Variants in SMC1A observed in about 807,000 individuals in gnomAD.
SMC1A encodes the protein structural maintenance of chromosomes protein 1A.
A neutral mutation model predicts 94.5 loss-of-function variants in SMC1A; 4 were observed. The ratio of observed to expected loss-of-function variants is 0.04; its 90% CI spans 0.02 to 0.10. The LOEUF (loss-of-function observed/expected upper bound fraction) is 0.10. SMC1A is among the 10% of genes least tolerant of loss of function. The pLI, the probability that SMC1A is intolerant of heterozygous loss-of-function variation, is 1.00. For missense variants in SMC1A, 304 were observed against 989.0 expected (o/e 0.31, Z 9.29); for synonymous variants, 345 against 347.7 (o/e 0.99, Z 0.09).
intron 9 of SMC1A, among the ~76,000 whole-genome samples, chrX:53,406,864 A>C (rs1042845613): frequency 4.5e-5 from 5 of 111,026 alleles, no homozygotes; most frequent in Admixed American, 9.6e-5. Context: ...TGCCCGGCTA[A>C]TTTTTGTATT....
At chrX:53,412,788 G>A (rs945045547) in intron 5 of SMC1A, 112 bp downstream of exon 5, 1 of 1,090,036 alleles carries the variant, frequency 9.2e-7, no homozygotes, top group Non-Finnish European at 1.3e-6. Flanking sequence ...AGCAAGTTAG[G>A]AGAATAACAG....
chrX:53,382,394 G>T lies in SMC1A; in HGVS notation c.3286-11C>A. 8.3e-7 allele frequency: 1 copy of T among 1,203,392 alleles called. No individual in the cohort carries two copies. The highest frequency in any genetic ancestry group is 1.1e-6 in the Non-Finnish European group (1 of 890,891). On this transcript the variant is annotated splice_polypyrimidine_tract_variant and intron_variant, in intron 21 of 24. Transcript: ENST00000322213. ...AGGGCCCAGGAATGCCTAGGGGAAG[G>T]CAGATGGGTCAGGATCTGTATCTGA...
intron 9 of SMC1A, among the ~76,000 whole-genome samples, chrX:53,408,199 C>T (rs1056962768): frequency 9.0e-6 from 1 of 111,289 alleles, no homozygotes; most frequent in Non-Finnish European, 1.9e-5. Flanking sequence ...GGCATGGCGG[C>T]GAGCACCTGT....
At position 53,409,426 on chromosome X, in the gene SMC1A, A is replaced by G; in HGVS notation, c.1332T>C (p.Thr444=). 8.3e-7 allele frequency: 1 copy of G among 1,201,672 alleles called. No individual in the cohort carries two copies. The highest frequency in any genetic ancestry group is 1.1e-6 in the Non-Finnish European group (1 of 886,381). ...RIEKLEEYIT[T]SKQSLEEQKK... The stretch of plus-strand genomic sequence containing the variant: ...ACAGATGCAGAGCTACATACTTGCT[A>G]GTGGTGATGTATTCCTCCAGTTTCT... Residue 444 remains threonine, a synonymous_variant, in exon 8 of 25, where the codon ACT becomes ACC. Coordinates refer to ENST00000322213, the MANE Select transcript of SMC1A (RefSeq NM_006306.4).
chrX:53,396,217 C>T lies in SMC1A; in HGVS notation c.2862+10G>A, dbSNP rs782769661. 1 of 1,207,530 alleles carries T rather than the reference C, an allele frequency of 8.3e-7. No homozygotes were observed. The highest frequency in any genetic ancestry group is 1.8e-5 in the South Asian group (1 of 56,738). Reference sequence around the variant, plus strand: ...CATCGCCCACTCCCACCACCAGCCACAATACTCACCTCTTCCTGACTAATA... The same window carrying T: ...CATCGCCCACTCCCACCACCAGCCATAATACTCACCTCTTCCTGACTAATA... On this transcript the variant is annotated intron_variant, in intron 18 of 24. Transcript: ENST00000322213.
chrX:53,376,689 C>T lies in SMC1A; in HGVS notation c.*3414G>A, dbSNP rs1327528989. On this transcript the variant is annotated 3_prime_UTR_variant, in exon 25 of 25. Transcript: ENST00000322213. ...GCTAATTCCTACCCGTCCCTCAAGA[C>T]TCAGTTCAGGTATCACCACCTAGAC... The T allele has an allele frequency of 9.0e-6, 1 of 111,649 alleles. No individual in the cohort carries two copies. The highest frequency in any genetic ancestry group is 3.3e-5 in the African/African-American group (1 of 30,690). 9.2% of individuals were successfully genotyped at this position (111,649 alleles called of 1,213,427 possible).
intron 7 of SMC1A, 45 bp downstream of exon 7, chrX:53,411,716 C>A (rs1556890544): frequency 8.4e-7 from 1 of 1,191,098 alleles, no homozygotes; most frequent in Non-Finnish European, 1.1e-6. Flanking sequence ...CTATATATAT[C>A]CTTTTCTGTG....
At chrX:53,388,104 T>C (rs1431583073) in intron 19 of SMC1A, among the ~76,000 whole-genome samples, 2 of 111,245 alleles carry the variant, frequency 1.8e-5, no homozygotes, top group African/African-American at 6.5e-5. Context: ...AATGGATCTA[T>C]GCAATAAGAA....
chrX:53,400,717 C>T (rs1017431595), intron 15 of SMC1A, among the ~76,000 whole-genome samples: 3 of 111,550 alleles, frequency 2.7e-5, no homozygotes, highest in Non-Finnish European at 5.6e-5. Flanking sequence ...GAGTATGCAA[C>T]CAGCATACAC....
intron 13 of SMC1A, among the ~76,000 whole-genome samples, chrX:53,404,778 TCA>T (rs1556889406): frequency 8.9e-6 from 1 of 111,779 alleles, no homozygotes; most frequent in South Asian, 3.7e-4. Flanking sequence ...AACTCGCATT[TCA>T]CAGATAAAGA....
At chrX:53,421,592 C>A (rs1556892056) in intron 1 of SMC1A, among the ~76,000 whole-genome samples, 1 of 111,736 alleles carries the variant, frequency 8.9e-6, no homozygotes, top group African/African-American at 3.3e-5. Context: ...AAAATAGAGG[C>A]TTTACCTGAC....
At chrX:53,381,505 C>T (rs1243596626) in intron 22 of SMC1A, among the ~76,000 whole-genome samples, 1 of 111,992 alleles carries the variant, frequency 8.9e-6, no homozygotes, top group Non-Finnish European at 1.9e-5. Context: ...CTACCTGGCA[C>T]ACTTCTACTC....
In SMC1A at chrX:53,415,072, A is replaced by G; in HGVS notation, c.207T>C (p.Pro69=). 1 of 1,210,947 alleles carries G rather than the reference A, an allele frequency of 8.3e-7. No homozygotes were observed. ...CCCGGTTGGCAGCTGGCTTGCCCACAGGAGCTCCATGGATCAGGTCCCGCA... is the reference window on the plus strand; with the variant it reads ...CCCGGTTGGCAGCTGGCTTGCCCACGGGAGCTCCATGGATCAGGTCCCGCA... The part of the protein sequence containing the change: ...KTLRDLIHGA[P]VGKPAANRAF... The change falls in exon 2 of 25, where the codon CCT becomes CCC. Residue 69 remains proline (P), a synonymous_variant. Transcript: ENST00000322213.
chrX:53,419,964 T>C (rs868954159), intron 1 of SMC1A, among the ~76,000 whole-genome samples: 11 of 111,084 alleles, frequency 9.9e-5, no homozygotes, highest in Middle Eastern at 4.2e-3. Context: ...AACTTGGGCT[T>C]AGAACCAACA....
chrX:53,421,843 T>C, intron 1 of SMC1A: 1 of 1,141,089 alleles, frequency 8.8e-7, no homozygotes, highest in Non-Finnish European at 1.2e-6. Context: ...TTAGTTAATT[T>C]CGGCTTTTGA....
rs1234279602 is a variant in SMC1A, at chrX:53,375,720, A to T, written c.*4383T>A. ...CAGTTGCTGAGGAGGATGTAAGCAG[A>T]TTGTTTCAGAGATGGATAAGGAAAG... is the stretch of plus-strand genomic sequence containing the variant. On this transcript the variant is annotated 3_prime_UTR_variant, in exon 25 of 25. Coordinates refer to ENST00000322213, the MANE Select transcript of SMC1A (RefSeq NM_006306.4). 1 of 111,762 alleles carries T rather than the reference A, an allele frequency of 8.9e-6. No individual in the cohort carries two copies. Among genetic ancestry groups the T allele is most frequent in the Admixed American group, 9.5e-5 (1 of 10,546 alleles). The allele number at this position is 111,762 out of a possible 1,213,427, so 9.2% of individuals were successfully genotyped here. A position where few individuals can be genotyped will look rare whatever the true frequency, so the allele number is the denominator to read the frequency against.
At chrX:53,404,974 ATGGCCTT>A (rs1556889451) in intron 13 of SMC1A, 31 bp downstream of exon 13, 4 of 1,175,487 alleles carry the variant, frequency 3.4e-6, no homozygotes, top group Non-Finnish European at 4.6e-6. Flanking sequence ...GAATGTGTGG[ATGGCCTT>A]TGGAGAACAG....
At position 53,378,856 on chromosome X, in the gene SMC1A, T is replaced by C. The variant is rs2075570566; in HGVS notation, c.*1247A>G. On this transcript the variant is annotated 3_prime_UTR_variant, in exon 25 of 25. Coordinates refer to ENST00000322213, the MANE Select transcript of SMC1A (RefSeq NM_006306.4). ...AGGCTGGGATGTGGCCCAGGATACC[T>C]CTCCCCTATTTCCTCACAACCCAGA... is the stretch of plus-strand genomic sequence containing the variant. The C allele has an allele frequency of 8.9e-6, 1 of 111,739 alleles. No homozygotes were observed. The highest frequency in any genetic ancestry group is 3.3e-5 in the African/African-American group (1 of 30,704). The allele number at this position is 111,739 out of a possible 1,213,427, so 9.2% of individuals were successfully genotyped here.
At chrX:53,394,731 T>TGCCCCCCCCCCCCCCCCCC in intron 19 of SMC1A, 47 bp downstream of exon 19, 1 of 416,226 alleles carries the variant, frequency 2.4e-6, no homozygotes, top group East Asian at 4.6e-5. Context: ...ATAGTCCCAC[T>TGCCCCCCCCCCCCCCCCCC]CCCACCCAAC....
Sources: gnomAD v4.1 joint callset for allele counts (sites outside exome capture counted in the v4.1 genomes callset) on GRCh38, gnomAD v4.1.1 for gene constraint, MANE v1.5 for transcripts, NCBI Gene and HGNC (gene_info 2026-07-23, HGNC 2026-07-21) for gene names.